Variants in DENND5B observed in about 807,000 individuals in gnomAD.
DENND5B encodes the protein DENN domain-containing protein 5B.
In DENND5B, 34 loss-of-function variants were observed where a neutral mutation model predicts 140.6. That is an observed-to-expected ratio of 0.24 (90% CI 0.18 to 0.32). The LOEUF (loss-of-function observed/expected upper bound fraction) is 0.32, where lower values mean the gene tolerates loss of function less well. Among genes scored for constraint, DENND5B ranks in the 10% least tolerant of loss-of-function variants. DENND5B has a pLI of 1.00. For missense variants in DENND5B, 1,142 were observed against 1,560.2 expected (o/e 0.73, Z 4.52); for synonymous variants, 551 against 562.1 (o/e 0.98, Z 0.28).
intron 1 of DENND5B, chr12:31,506,301 T>C (rs1240279701): frequency 3.3e-5 from 5 of 152,200 alleles, no homozygotes; most frequent in Non-Finnish European, 7.3e-5. Context: ...TATTTATTTT[T>C]TTAAAGGCCA....
chr12:31,534,925 TTAAC>T, intron 1 of DENND5B: 2 of 332,854 alleles, frequency 6.0e-6, no homozygotes, highest in South Asian at 5.2e-5. Context: ...TTTGGTTTGA[TTAAC>T]TGGGTGTGGC....
At chr12:31,387,949 A>G (rs1011281284) in intron 20 of DENND5B, among the ~76,000 whole-genome samples, 163 bp from the exon 21 acceptor site, 4 of 152,078 alleles carry the variant, frequency 2.6e-5, no homozygotes, top group African/African-American at 9.7e-5. Flanking sequence ...GAAGTTGAAT[A>G]TTTTCTGGTA....
chr12:31,493,281 T>C (rs1332099761), intron 2 of DENND5B, among the ~76,000 whole-genome samples: 3 of 152,238 alleles, frequency 2.0e-5, no homozygotes, highest in Non-Finnish European at 4.4e-5. Flanking sequence ...ACTGGGTACA[T>C]GTAAACATGT....
chr12:31,418,921 G>A (rs756960798), intron 11 of DENND5B, among the ~76,000 whole-genome samples: 2 of 152,122 alleles, frequency 1.3e-5, no homozygotes, highest in East Asian at 3.9e-4. Context: ...TTACATGTGC[G>A]AGCCAGTGTG....
At chr12:31,398,082 C>T in intron 17 of DENND5B, 93 bp downstream of exon 17, 2 of 1,191,038 alleles carry the variant, frequency 1.7e-6, no homozygotes, top group Non-Finnish European at 2.3e-6. Flanking sequence ...TTAAAATCTC[C>T]TCACTACATT....
At chr12:31,393,409 C>T (rs946339634) in intron 17 of DENND5B, among the ~76,000 whole-genome samples, 19 of 152,240 alleles carry the variant, frequency 1.2e-4, no homozygotes, top group African/African-American at 4.6e-4. Flanking sequence ...CTGCTTCCTT[C>T]TGCCAGCCAG....
At chr12:31,569,325 A>T (rs573756068) in intron 1 of DENND5B, among the ~76,000 whole-genome samples, 1 of 152,224 alleles carries the variant, frequency 6.6e-6, no homozygotes, top group Non-Finnish European at 1.5e-5. Context: ...TGCCTCCCAA[A>T]GTTCTGGGAT....
intron 3 of DENND5B, among the ~76,000 whole-genome samples, chr12:31,470,408 C>T (rs1378057444): frequency 6.6e-6 from 1 of 151,918 alleles, no homozygotes; most frequent in Non-Finnish European, 1.5e-5. Context: ...TACACTGTGC[C>T]CGGCCTTATT....
chr12:31,393,710 T>G (rs751389667), intron 17 of DENND5B, among the ~76,000 whole-genome samples: 22 of 152,160 alleles, frequency 1.4e-4, no homozygotes, highest in Non-Finnish European at 2.8e-4. Context: ...TTTTTTGAGA[T>G]GGAGTCTCGC....
chr12:31,466,129 C>A (rs753361382), intron 3 of DENND5B, among the ~76,000 whole-genome samples: 1 of 151,382 alleles, frequency 6.6e-6, no homozygotes, highest in South Asian at 2.1e-4. Flanking sequence ...CCAAGGCGGG[C>A]GGATCACAAG....
chr12:31,506,444 C>T (rs1947205600), intron 1 of DENND5B: 1 of 152,138 alleles, frequency 6.6e-6, no homozygotes, highest in Non-Finnish European at 1.5e-5. Flanking sequence ...TCACTGAAAA[C>T]CAAAATTTCA....
In DENND5B at chr12:31,384,153, AC is replaced by A. The variant is rs1044855016; in HGVS notation, c.*3449del. 3.5e-4 allele frequency: 53 copies of A among 152,274 alleles called. No individual in the cohort carries two copies. Among genetic ancestry groups the A allele is most frequent in the Middle Eastern group, 3.4e-3 (1 of 294 alleles). The allele number at this position is 152,274 out of a possible 1,614,324, so 9.4% of individuals were successfully genotyped here. On this transcript the variant is annotated 3_prime_UTR_variant, in exon 21 of 21. Transcript: ENST00000389082. ...CTGTTGTGCTCAAACTTTTGGTATA[AC>A]TTAGAGACACTTATGAGCCACATAA...
At chr12:31,473,271 G>A (rs979967658) in intron 3 of DENND5B, among the ~76,000 whole-genome samples, 1 of 152,176 alleles carries the variant, frequency 6.6e-6, no homozygotes, top group African/African-American at 2.4e-5. Flanking sequence ...GCTACAATTA[G>A]AATGATAATA....
intron 1 of DENND5B, among the ~76,000 whole-genome samples, chr12:31,498,253 ACTC>A (rs1224580474): frequency 2.0e-5 from 3 of 151,860 alleles, no homozygotes; most frequent in African/African-American, 7.3e-5. Context: ...CTATCATAAA[ACTC>A]CTTGCAACAC....
At chr12:31,536,831 A>T (rs1406529543) in intron 1 of DENND5B, among the ~76,000 whole-genome samples, 2 of 152,210 alleles carry the variant, frequency 1.3e-5, no homozygotes, top group Non-Finnish European at 2.9e-5. Flanking sequence ...TCCTAAAAGC[A>T]GCAACAGAAA....
intron 20 of DENND5B, among the ~76,000 whole-genome samples, chr12:31,388,782 A>G (rs965413178): frequency 2.0e-4 from 31 of 152,246 alleles, no homozygotes; most frequent in African/African-American, 7.2e-4. Flanking sequence ...GATGATATTT[A>G]TATAGCAAGA....
intron 3 of DENND5B, among the ~76,000 whole-genome samples, 196 bp from the exon 4 acceptor site, chr12:31,460,577 G>C (rs1379848626): frequency 6.6e-6 from 1 of 151,438 alleles, no homozygotes; most frequent in African/African-American, 2.5e-5. Context: ...ATAGTTTTAA[G>C]GGGGTGTGGG....
At chr12:31,466,814 C>T (rs1322465504) in intron 3 of DENND5B, among the ~76,000 whole-genome samples, 1 of 152,062 alleles carries the variant, frequency 6.6e-6, no homozygotes, top group Admixed American at 6.6e-5. Flanking sequence ...GGGTAAAGGA[C>T]ATTAATTCTT....
At chr12:31,394,083 C>A (rs1294700052) in intron 17 of DENND5B, among the ~76,000 whole-genome samples, 3 of 152,044 alleles carry the variant, frequency 2.0e-5, no homozygotes, top group African/African-American at 7.2e-5. Flanking sequence ...AGTACTGATA[C>A]CATGGCCTCT....
Sources: gnomAD v4.1 joint callset for allele counts (sites outside exome capture counted in the v4.1 genomes callset) on GRCh38, gnomAD v4.1.1 for gene constraint, MANE v1.5 for transcripts, NCBI Gene and HGNC (gene_info 2026-07-23, HGNC 2026-07-21) for gene names.